The following PBLD variants were observed in gnomAD, a reference collection of about 807,000 sequenced individuals.
PBLD encodes phenazine biosynthesis-like domain-containing protein.
Under a neutral mutation model 31.3 loss-of-function variants are expected in PBLD, and 26 were observed. The ratio of observed to expected loss-of-function variants is 0.83; its 90% CI spans 0.61 to 1.15. PBLD has a LOEUF of 1.15. PBLD is among the 50% of genes most tolerant of loss of function. The probability of loss-of-function intolerance (pLI) is 0.00; values close to 1 mark genes in which losing one functional copy is unlikely to be tolerated. For synonymous variants in PBLD, 114 were observed against 129.0 expected, an observed-to-expected ratio of 0.88 and a Z score of 0.79; for missense variants, 307 against 351.7, an observed-to-expected ratio of 0.87 and a Z score of 1.02.
chr10:68,317,713 G>A (rs1005582113), intron 1 of PBLD, among the ~76,000 whole-genome samples: 11 of 151,958 alleles, frequency 7.2e-5, no homozygotes, highest in South Asian at 4.2e-4. Flanking sequence ...CACGAGAATC[G>A]GTTGAGCCCA....
At chr10:68,285,562 A>G (rs2044276325) in intron 8 of PBLD, 152 bp from the exon 9 acceptor site, 1 of 1,095,522 alleles carries the variant, frequency 9.1e-7, no homozygotes, top group Admixed American at 3.6e-5. Flanking sequence ...AGGGTGTAGA[A>G]TTATGAAAGG....
At chr10:68,311,751 CAAAAA>C (rs987918906) in intron 1 of PBLD, among the ~76,000 whole-genome samples, 3 of 59,898 alleles carry the variant, frequency 5.0e-5, no homozygotes, top group African/African-American at 2.1e-4. Flanking sequence ...GACCCTGCCT[CAAAAA>C]AAAAAAAAAA....
intron 1 of PBLD, among the ~76,000 whole-genome samples, chr10:68,322,342 C>T (rs2044847519): frequency 6.6e-6 from 1 of 151,956 alleles, no homozygotes; most frequent in Non-Finnish European, 1.5e-5. Flanking sequence ...CTGAGCCGTA[C>T]ATAAAATTTG....
rs183700751 is a variant in PBLD, at chr10:68,299,194, A to G, written c.85-2209T>C. 5.3e-5 allele frequency among the ~76,000 whole-genome samples: 8 copies of G among 151,662 alleles called. No homozygotes were observed. In the East Asian group the frequency reaches 1.5e-3, roughly 29 times the overall value. On this transcript the variant is annotated intron_variant, in intron 2 of 9. Coordinates refer to ENST00000358769, the MANE Select transcript of PBLD (RefSeq NM_022129.4). Reference sequence around the variant, plus strand: ...ATTTTTAATCAATAAAATGCTTACTAGTTAGATTTTGAATTTTAAAGAAGT... The same window carrying G: ...ATTTTTAATCAATAAAATGCTTACTGGTTAGATTTTGAATTTTAAAGAAGT...
intron 6 of PBLD, among the ~76,000 whole-genome samples, chr10:68,291,222 G>T (rs2044353924): frequency 6.6e-6 from 1 of 152,086 alleles, no homozygotes. Context: ...AACCTTCATG[G>T]GACAACTGCA....
At chr10:68,326,473 C>T (rs545683597) in intron 1 of PBLD, among the ~76,000 whole-genome samples, 5 of 152,258 alleles carry the variant, frequency 3.3e-5, no homozygotes, top group East Asian at 3.9e-4. Context: ...CACATTACAT[C>T]GGAAATATTA....
chr10:68,290,159 G>A (rs1225956700), intron 6 of PBLD, among the ~76,000 whole-genome samples: 1 of 152,104 alleles, frequency 6.6e-6, no homozygotes, highest in African/African-American at 2.4e-5. Context: ...GCCAGGCCCA[G>A]CAGATGGTAA....
At chr10:68,301,286 C>T (rs1032864934) in intron 2 of PBLD, among the ~76,000 whole-genome samples, 1 of 152,164 alleles carries the variant, frequency 6.6e-6, no homozygotes, top group African/African-American at 2.4e-5. Flanking sequence ...GGGATGAGTA[C>T]CTGTCCCACC....
chr10:68,325,869 T>C (rs1420105368), intron 1 of PBLD, among the ~76,000 whole-genome samples: 1 of 152,206 alleles, frequency 6.6e-6, no homozygotes, highest in Non-Finnish European at 1.5e-5. Flanking sequence ...AGCCCTAGAC[T>C]GTGTGAATGG....
At chr10:68,285,732 G>A (rs1174410564) in intron 8 of PBLD, among the ~76,000 whole-genome samples, 1 of 151,668 alleles carries the variant, frequency 6.6e-6, no homozygotes, top group Non-Finnish European at 1.5e-5. Flanking sequence ...AGCTGGGAGT[G>A]CAGTGACACA....
At chr10:68,319,112 G>GA (rs1446443452) in intron 1 of PBLD, among the ~76,000 whole-genome samples, 26 of 48,400 alleles carry the variant, frequency 5.4e-4, no homozygotes, top group African/African-American at 1.8e-3. Flanking sequence ...AGAAAGAAAG[G>GA]AAAAAGAAAG....
At chr10:68,291,138 C>T (rs2044353100) in intron 6 of PBLD, among the ~76,000 whole-genome samples, 1 of 152,138 alleles carries the variant, frequency 6.6e-6, no homozygotes, top group Non-Finnish European at 1.5e-5. Flanking sequence ...CAGCCCTTGC[C>T]CTGGTCCTGA....
chr10:68,315,996 A>G (rs2044732001), intron 1 of PBLD, among the ~76,000 whole-genome samples: 1 of 152,188 alleles, frequency 6.6e-6, no homozygotes, highest in African/African-American at 2.4e-5. Flanking sequence ...ATAACAAACA[A>G]TGGTGAAGGG....
At chr10:68,316,856 AC>A (rs765211079) in intron 1 of PBLD, among the ~76,000 whole-genome samples, 2 of 152,098 alleles carry the variant, frequency 1.3e-5, no homozygotes, top group Non-Finnish European at 2.9e-5. Flanking sequence ...CTACTAAAAT[AC>A]AAAAAATTAG....
chr10:68,314,257 A>T (rs1253739401), intron 1 of PBLD, among the ~76,000 whole-genome samples: 4 of 152,102 alleles, frequency 2.6e-5, no homozygotes, highest in African/African-American at 9.7e-5. Flanking sequence ...GATTACAGGC[A>T]TGAACCACCA....
Position 68,282,956 on chromosome 10 carries a change from T to C in PBLD, c.*1221A>G, listed in dbSNP as rs1251755686. The C allele has an allele frequency of 6.6e-6, 1 of 152,208 alleles. No individual in the cohort carries two copies. The highest frequency in any genetic ancestry group is 1.9e-4 in the East Asian group (1 of 5,202). 9.4% of individuals were successfully genotyped at this position (152,208 alleles called of 1,614,324 possible). A position where few individuals can be genotyped will look rare whatever the true frequency, so the allele number is the denominator to read the frequency against. On this transcript the variant is annotated 3_prime_UTR_variant, in exon 10 of 10. Transcript: ENST00000358769. Reference sequence around the variant, plus strand: ...TTGTATATTTAACTGAATTTAAAGTTATGTTAAAACCCATTTTATTGAAGT... The same window carrying C: ...TTGTATATTTAACTGAATTTAAAGTCATGTTAAAACCCATTTTATTGAAGT...
chr10:68,312,903 G>A (rs755299145), intron 1 of PBLD, among the ~76,000 whole-genome samples: 49 of 151,792 alleles, frequency 3.2e-4, no homozygotes, highest in Middle Eastern at 3.4e-3. Context: ...GAGCCACCGG[G>A]CCCAGCCTTT....
At position 68,310,365 on chromosome 10, in the gene PBLD, G is replaced by GTATATATA. The variant is rs34887418; in HGVS notation, c.-59-3470_-59-3463dup. Among the ~76,000 whole-genome samples, 440 of 140,336 alleles carry GTATATATA rather than the reference G, an allele frequency of 3.1e-3. 14 individuals are homozygous for GTATATATA. Among genetic ancestry groups the GTATATATA allele is most frequent in the African/African-American group, 9.6e-3 (365 of 38,068 alleles). 92.1% of individuals were successfully genotyped at this position (140,336 alleles called of 152,430 possible). ...ATCATGTACAATATAATGTTTTGAA[G>GTATATATA]TATATATATATATATATATACACAT... On this transcript the variant is annotated intron_variant, in intron 1 of 9. Coordinates refer to ENST00000358769, the MANE Select transcript of PBLD (RefSeq NM_022129.4).
At chr10:68,285,244 A>T (rs2134416012) in intron 9 of PBLD, 104 bp downstream of exon 9, 2 of 1,596,638 alleles carry the variant, frequency 1.3e-6, no homozygotes, top group South Asian at 2.3e-5. Flanking sequence ...CACATGGGTG[A>T]TACATGACAT....
Sources: allele counts gnomAD v4.1 joint callset (sites outside exome capture counted in the v4.1 genomes callset), GRCh38; gene constraint gnomAD v4.1.1; transcripts MANE v1.5; gene names NCBI Gene and HGNC (gene_info 2026-07-23, HGNC 2026-07-21).